TRPM3: variants seen among roughly 807,000 people sequenced by gnomAD.
TRPM3 encodes transient receptor potential cation channel subfamily M member 3, also known as long transient receptor potential channel 3.
In TRPM3, 77 loss-of-function variants were observed where a neutral mutation model predicts 181.2. The observed-to-expected ratio is 0.42, with a 90% CI of 0.35 to 0.51. The LOEUF (loss-of-function observed/expected upper bound fraction) is 0.51. Among genes scored for constraint, TRPM3 ranks in the 20% least tolerant of loss-of-function variants. The pLI is 0.01. For synonymous variants in TRPM3, 745 were observed against 796.4 expected, an observed-to-expected ratio of 0.94 and a Z score of 1.09; for missense variants, 1,759 against 2,196.7, an observed-to-expected ratio of 0.80 and a Z score of 3.98.
intron 9 of TRPM3, 91 bp from the exon 10 acceptor site, chr9:70,640,751 T>A: frequency 1.1e-6 from 1 of 934,540 alleles, no homozygotes; most frequent in Non-Finnish European, 1.7e-6. Flanking sequence ...CCTCTGCCAT[T>A]AATGCCCCTA....
chr9:70,947,956 G>A (rs978561241), intron 1 of TRPM3, among the ~76,000 whole-genome samples: 1 of 152,108 alleles, frequency 6.6e-6, no homozygotes, highest in South Asian at 2.1e-4. Context: ...ATTATAAGAT[G>A]TATCACTTGT....
At chr9:70,750,347 A>C (rs2075913187) in intron 8 of TRPM3, among the ~76,000 whole-genome samples, 1 of 152,202 alleles carries the variant, frequency 6.6e-6, no homozygotes, top group African/African-American at 2.4e-5. Context: ...TCCAGACTGC[A>C]TTCAGACTGT....
At chr9:70,844,961 T>C (rs960910908) in intron 4 of TRPM3, among the ~76,000 whole-genome samples, 5 of 152,050 alleles carry the variant, frequency 3.3e-5, no homozygotes, top group African/African-American at 4.8e-5. Context: ...TGAACAGTCA[T>C]TGAAAGAAAA....
chr9:71,090,256 A>T (rs958432467), intron 1 of TRPM3, among the ~76,000 whole-genome samples: 2 of 152,184 alleles, frequency 1.3e-5, no homozygotes, highest in Non-Finnish European at 1.5e-5. Context: ...GTAGACATGT[A>T]AAGTAGTGGA....
intron 1 of TRPM3, among the ~76,000 whole-genome samples, chr9:71,435,875 G>A (rs903469350): frequency 1.3e-5 from 2 of 152,156 alleles, no homozygotes; most frequent in African/African-American, 4.8e-5. Context: ...AGAAGAGAGA[G>A]GCAGAAGAGG....
intron 12 of TRPM3, among the ~76,000 whole-genome samples, chr9:70,633,141 C>T (rs1184456596): frequency 6.6e-6 from 1 of 152,128 alleles, no homozygotes; most frequent in Non-Finnish European, 1.5e-5. Context: ...ATAGCTGTCT[C>T]TTTAGAAAAC....
intron 8 of TRPM3, among the ~76,000 whole-genome samples, chr9:70,696,769 A>T (rs576984140): frequency 6.6e-6 from 1 of 152,294 alleles, no homozygotes; most frequent in Admixed American, 6.5e-5. Flanking sequence ...GATTATTGTC[A>T]TAAACAATGA....
chr9:71,054,461 A>T (rs2060433327), intron 1 of TRPM3, among the ~76,000 whole-genome samples: 2 of 152,126 alleles, frequency 1.3e-5, no homozygotes, highest in Non-Finnish European at 2.9e-5. Context: ...TTACGAAGTG[A>T]AATAAAATTT....
At chr9:71,128,381 A>T (rs1454765576) in intron 1 of TRPM3, among the ~76,000 whole-genome samples, 1 of 152,224 alleles carries the variant, frequency 6.6e-6, no homozygotes, top group Non-Finnish European at 1.5e-5. Flanking sequence ...ATACAACTTT[A>T]TTCAGCCTTG....
chr9:70,842,394 T>TAAA (rs1439279836), intron 5 of TRPM3, among the ~76,000 whole-genome samples: 5 of 148,396 alleles, frequency 3.4e-5, no homozygotes, highest in South Asian at 2.1e-4. Flanking sequence ...GCATTGCATT[T>TAAA]TAAAAAATTG....
intron 1 of TRPM3, among the ~76,000 whole-genome samples, chr9:71,370,830 A>T (rs1227452420): frequency 6.6e-6 from 1 of 152,184 alleles, no homozygotes; most frequent in Non-Finnish European, 1.5e-5. Context: ...AGAGAAGTCA[A>T]TTCTTCAAAG....
intron 8 of TRPM3, among the ~76,000 whole-genome samples, chr9:70,742,266 C>T (rs1334566311): frequency 3.3e-5 from 5 of 151,896 alleles, no homozygotes; most frequent in Non-Finnish European, 5.9e-5. Context: ...TTACCTTTCT[C>T]ATGTGTTTAT....
At chr9:71,196,293 G>C (rs1191096617) in intron 1 of TRPM3, among the ~76,000 whole-genome samples, 2 of 50,244 alleles carry the variant, frequency 4.0e-5, no homozygotes, top group African/African-American at 1.1e-4. Context: ...ATTTCTGATA[G>C]TATTGAAGTT....
At chr9:70,864,360 T>C in intron 2 of TRPM3, 72 bp downstream of exon 2, 1 of 1,047,920 alleles carries the variant, frequency 9.5e-7, no homozygotes, top group Non-Finnish European at 1.3e-6. Flanking sequence ...TTGTAACAGG[T>C]CATGATTACT....
chr9:71,273,306 T>C (rs948783795), intron 1 of TRPM3, among the ~76,000 whole-genome samples: 1 of 152,172 alleles, frequency 6.6e-6, no homozygotes, highest in African/African-American at 2.4e-5. Context: ...TCTTCAACAG[T>C]GAAGAACCAC....
rs2091642878 is a variant in TRPM3, at chr9:71,351,843, AAATGGG to A, written c.183+94804_183+94809del. ...ATAAGAAGGTAGGAGAGAGTAAAGG[AAATGGG>A]AAGTTTTTGTTTGTTTGTTTGTTTT... On this transcript the variant is annotated intron_variant, in intron 1 of 24. Coordinates refer to the TRPM3 transcript ENST00000357533. Among the ~76,000 whole-genome samples, 2 of 151,186 alleles carry A rather than the reference AAATGGG, an allele frequency of 1.3e-5. 1 individual carries two copies. Among genetic ancestry groups the A allele is most frequent in the East Asian group, 3.9e-4 (2 of 5,174 alleles).
chr9:71,087,923 A>G (rs571316537), intron 1 of TRPM3, among the ~76,000 whole-genome samples: 19 of 152,278 alleles, frequency 1.2e-4, no homozygotes, highest in Admixed American at 4.6e-4. Flanking sequence ...ATATGTGGAC[A>G]TGATGTCCCT....
chr9:71,226,762 G>C (rs987691437), intron 1 of TRPM3, among the ~76,000 whole-genome samples: 3 of 152,010 alleles, frequency 2.0e-5, no homozygotes, highest in Admixed American at 6.6e-5. Flanking sequence ...GCTAGATAGA[G>C]AGATAGACTC....
At chr9:70,915,505 C>T (rs1004466126) in intron 1 of TRPM3, among the ~76,000 whole-genome samples, 1 of 150,976 alleles carries the variant, frequency 6.6e-6, no homozygotes, top group Non-Finnish European at 1.5e-5. Context: ...CGGGGTTTCA[C>T]CGTGTTAGCC....
Sources: allele counts gnomAD v4.1 joint callset (sites outside exome capture counted in the v4.1 genomes callset), GRCh38; gene constraint gnomAD v4.1.1; transcripts MANE v1.5; gene names NCBI Gene and HGNC (gene_info 2026-07-23, HGNC 2026-07-21).